RTTN: variants seen among roughly 807,000 people sequenced by gnomAD.
RTTN encodes rotatin.
Under a neutral mutation model 269.2 loss-of-function variants are expected in RTTN, and 182 were observed. That is an observed-to-expected ratio of 0.68 (90% CI 0.60 to 0.76). RTTN has a LOEUF of 0.76. RTTN is among the 30% of genes least tolerant of loss of function. The pLI is 0.00. For missense variants in RTTN, 2,545 were observed against 2,608.6 expected, an observed-to-expected ratio of 0.98 and a Z score of 0.53; for synonymous variants, 1,006 against 963.5, an observed-to-expected ratio of 1.04 and a Z score of -0.82.
intron 14 of RTTN, among the ~76,000 whole-genome samples, chr18:70,156,816 T>C (rs549546241): frequency 1.3e-5 from 2 of 152,306 alleles, no homozygotes; most frequent in African/African-American, 4.8e-5. Context: ...CAAATCTTGA[T>C]ATACTCCTCT....
chr18:70,169,366 T>C (rs888394940), intron 11 of RTTN, among the ~76,000 whole-genome samples: 3 of 152,206 alleles, frequency 2.0e-5, no homozygotes, highest in Non-Finnish European at 4.4e-5. Flanking sequence ...CCCTGCACCT[T>C]GTATATACCT....
chr18:70,087,888 G>T, intron 31 of RTTN, 101 bp downstream of exon 31: 2 of 1,182,502 alleles, frequency 1.7e-6, no homozygotes, highest in Non-Finnish European at 2.4e-6. Flanking sequence ...AAGAGATCAT[G>T]GTCAGTGGTC....
chr18:70,200,885 C>A (rs2061927949), intron 4 of RTTN, among the ~76,000 whole-genome samples: 1 of 152,188 alleles, frequency 6.6e-6, no homozygotes, highest in South Asian at 2.1e-4. Context: ...AGGATTCATT[C>A]ATTCCTTCAA....
intron 38 of RTTN, among the ~76,000 whole-genome samples, chr18:70,051,842 A>T (rs2057680214): frequency 6.6e-6 from 1 of 152,180 alleles, no homozygotes; most frequent in Non-Finnish European, 1.5e-5. Context: ...CTAAATATTA[A>T]GCCATGACTG....
In RTTN at chr18:70,205,542, C is replaced by T. The variant is rs283230; in HGVS notation, c.31+86G>A. The T allele has an allele frequency of 0.028, 43,389 of 1,563,974 alleles. 1,733 individuals carry two copies. Among genetic ancestry groups the T allele is most frequent in the African/African-American group, 0.19 (13,907 of 73,872 alleles). ...GAAAGAGGGAGCGGTCGCGGAGCGG[C>T]CGGCCGCGGAAACGTGACACGACCA... On this transcript the variant is annotated intron_variant, in intron 1 of 48. Transcript: ENST00000640769.
At chr18:70,164,728 A>G (rs1454118534) in intron 14 of RTTN, among the ~76,000 whole-genome samples, 1 of 152,188 alleles carries the variant, frequency 6.6e-6, no homozygotes, top group African/African-American at 2.4e-5. Flanking sequence ...CACTTGGAGA[A>G]AACAGCAAGG....
chr18:70,205,046 A>G (rs2062041545), intron 2 of RTTN, 82 bp downstream of exon 2: 1 of 1,400,532 alleles, frequency 7.1e-7, no homozygotes, highest in Admixed American at 2.2e-5. Flanking sequence ...CCAATTATTT[A>G]ACTTTCAATA....
intron 46 of RTTN, among the ~76,000 whole-genome samples, chr18:70,016,218 TATAAG>T (rs2056532602): frequency 4.2e-5 from 1 of 23,532 alleles, no homozygotes; most frequent in Non-Finnish European, 5.1e-3. Context: ...CACCACAAAA[TATAAG>T]AAGAATCATT....
At chr18:70,088,209 A>G (rs2058753059) in intron 30 of RTTN, 62 bp from the exon 31 acceptor site, 9 of 1,456,176 alleles carry the variant, frequency 6.2e-6, no homozygotes, top group Non-Finnish European at 7.4e-6. Flanking sequence ...ATGAATTCTT[A>G]GTTTTTCTGG....
rs779720763 is a variant in RTTN at position 70,017,538 on chromosome 18, C to G, written c.6290G>C (p.Arg2097Thr). The stretch of plus-strand genomic sequence containing the variant: ...TAGTAAGTCTAGACAGCCATCAAGC[C>G]TCAGAATCATTTGTTGCCCATCTTC... ...SGEDGQQMILRLDGCLDLLTE... is the reference protein window; with the variant it reads ...SGEDGQQMILTLDGCLDLLTE... Residue 2097 changes from arginine (R) to threonine (T), a missense_variant, in exon 46 of 49, where the codon AGG (arginine) becomes ACG (threonine). Transcript: ENST00000640769. 9.9e-6 allele frequency: 16 copies of G among 1,614,042 alleles called. No individual in the cohort carries two copies. Among genetic ancestry groups the G allele is most frequent in the Non-Finnish European group, 1.4e-5 (16 of 1,179,968 alleles).
chr18:70,158,171 A>G (rs117217119), intron 14 of RTTN, among the ~76,000 whole-genome samples: 1,891 of 152,286 alleles, frequency 0.012, 23 homozygotes, highest in South Asian at 0.039. Context: ...GGTCAACAGG[A>G]AAGAAAAAAT....
intron 11 of RTTN, among the ~76,000 whole-genome samples, chr18:70,174,622 A>G (rs2145966619): frequency 6.6e-6 from 1 of 152,156 alleles, no homozygotes; most frequent in South Asian, 2.1e-4. Flanking sequence ...TGGAAATCAT[A>G]GAACATCTTG....
intron 14 of RTTN, among the ~76,000 whole-genome samples, chr18:70,162,480 G>A (rs1424607805): frequency 6.6e-6 from 1 of 152,182 alleles, no homozygotes; most frequent in Non-Finnish European, 1.5e-5. Context: ...GGCTGAGGAA[G>A]TCTCAGGAAA....
intron 10 of RTTN, among the ~76,000 whole-genome samples, chr18:70,182,482 C>A (rs1333873557): frequency 6.6e-6 from 1 of 151,732 alleles, no homozygotes; most frequent in Non-Finnish European, 1.5e-5. Flanking sequence ...CCTGACAAGG[C>A]AGCAAAAGGG....
intron 17 of RTTN, among the ~76,000 whole-genome samples, chr18:70,146,852 A>T (rs2060407135): frequency 1.3e-5 from 2 of 152,206 alleles, no homozygotes; most frequent in South Asian, 4.1e-4. Context: ...TTACTGCAAT[A>T]TTGTTAACTG....
chr18:70,107,059 T>A (rs2059339190), intron 28 of RTTN, among the ~76,000 whole-genome samples: 1 of 152,340 alleles, frequency 6.6e-6, no homozygotes, highest in African/African-American at 2.4e-5. Flanking sequence ...AGGTGCCAGC[T>A]ACTAGTATCC....
intron 28 of RTTN, among the ~76,000 whole-genome samples, chr18:70,106,167 G>A (rs2059315606): frequency 6.6e-6 from 1 of 152,088 alleles, no homozygotes. Flanking sequence ...GGGCAACATA[G>A]TGAGACCCAT....
At position 70,059,834 on chromosome 18, in the gene RTTN, A is replaced by C; in HGVS notation, c.4940+16T>G. ...ATCTCAACTAACATGCCTCTCTAGG[A>C]GTATTTATCTCTTACCTACAGAGAA... On this transcript the variant is annotated intron_variant, in intron 36 of 48. Coordinates refer to ENST00000640769, the MANE Select transcript of RTTN (RefSeq NM_173630.4). The C allele has an allele frequency of 6.5e-7, 1 of 1,532,240 alleles. No individual in the cohort carries two copies. Among genetic ancestry groups the C allele is most frequent in the Non-Finnish European group, 8.9e-7 (1 of 1,129,084 alleles). 94.9% of individuals were successfully genotyped at this position (1,532,240 alleles called of 1,614,324 possible).
At chr18:70,184,188 C>T (rs1264098055) in intron 10 of RTTN, among the ~76,000 whole-genome samples, 1 of 152,182 alleles carries the variant, frequency 6.6e-6, no homozygotes, top group Non-Finnish European at 1.5e-5. Flanking sequence ...GTGGACAAGA[C>T]CCAAAACTGA....
Sources: gnomAD v4.1 joint callset for allele counts (sites outside exome capture counted in the v4.1 genomes callset) on GRCh38, gnomAD v4.1.1 for gene constraint, MANE v1.5 for transcripts, NCBI Gene and HGNC (gene_info 2026-07-23, HGNC 2026-07-21) for gene names.